LRMDA: variants seen among roughly 807,000 people sequenced by gnomAD.
LRMDA encodes the protein leucine-rich melanocyte differentiation-associated protein.
Under a neutral mutation model 29.8 loss-of-function variants are expected in LRMDA, and 18 were observed. The observed-to-expected ratio is 0.60, with a 90% CI of 0.42 to 0.90. The LOEUF is 0.90. LRMDA is among the 40% of genes least tolerant of loss of function. The pLI, the probability that LRMDA is intolerant of heterozygous loss-of-function variation, is 0.00. For synonymous variants in LRMDA, 125 were observed against 109.4 expected, an observed-to-expected ratio of 1.14 and a Z score of -0.89; for missense variants, 273 against 273.9, an observed-to-expected ratio of 1.00 and a Z score of 0.02.
At chr10:75,624,272 T>C (rs1435395429) in intron 2 of LRMDA, among the ~76,000 whole-genome samples, 4 of 152,182 alleles carry the variant, frequency 2.6e-5, no homozygotes, top group Non-Finnish European at 5.9e-5. Flanking sequence ...TTGGAGATCA[T>C]ATTTGAGGAT....
chr10:75,949,489 G>C (rs1846536022), intron 2 of LRMDA, among the ~76,000 whole-genome samples: 1 of 152,204 alleles, frequency 6.6e-6, no homozygotes, highest in African/African-American at 2.4e-5. Flanking sequence ...CTGGGATGAT[G>C]ATGGGCTCAC....
chr10:76,545,824 A>G (rs1317617351), intron 6 of LRMDA, among the ~76,000 whole-genome samples: 1 of 152,098 alleles, frequency 6.6e-6, no homozygotes, highest in Non-Finnish European at 1.5e-5. Context: ...AGTAAAAAGC[A>G]ATGTCACGAG....
At chr10:75,557,941 T>C (rs1045147880) in intron 2 of LRMDA, among the ~76,000 whole-genome samples, 11 of 152,128 alleles carry the variant, frequency 7.2e-5, no homozygotes, top group African/African-American at 2.4e-4. Flanking sequence ...TGAGTGACTT[T>C]ACTAAGTTGT....
intron 5 of LRMDA, among the ~76,000 whole-genome samples, chr10:76,195,784 C>T (rs775148567): frequency 5.3e-5 from 8 of 152,158 alleles, no homozygotes; most frequent in Non-Finnish European, 5.9e-5. Context: ...AAAAAGCAAA[C>T]ACAGTAAATT....
chr10:75,808,027 T>G (rs1843889101), intron 2 of LRMDA, among the ~76,000 whole-genome samples: 1 of 152,250 alleles, frequency 6.6e-6, no homozygotes, highest in African/African-American at 2.4e-5. Context: ...ATTCATTTGC[T>G]AAAGGGCATT....
chr10:75,487,598 C>T (rs1844930616), intron 2 of LRMDA, among the ~76,000 whole-genome samples: 1 of 152,168 alleles, frequency 6.6e-6, no homozygotes, highest in Non-Finnish European at 1.5e-5. Context: ...CCCACCCCTC[C>T]TTCCTATTCT....
chr10:75,704,086 ACT>A (rs1842338758), intron 2 of LRMDA, among the ~76,000 whole-genome samples: 1 of 152,214 alleles, frequency 6.6e-6, no homozygotes, highest in South Asian at 2.1e-4. Flanking sequence ...GGTACAGCAG[ACT>A]CTGCAGAGTT....
At chr10:76,277,978 A>C (rs568355105) in intron 5 of LRMDA, among the ~76,000 whole-genome samples, 1 of 152,190 alleles carries the variant, frequency 6.6e-6, no homozygotes, top group African/African-American at 2.4e-5. Context: ...GGGTGTACCC[A>C]GTTGTTAGTT....
intron 2 of LRMDA, among the ~76,000 whole-genome samples, chr10:75,779,816 A>G (rs1429553372): frequency 6.6e-6 from 1 of 151,760 alleles, no homozygotes; most frequent in Non-Finnish European, 1.5e-5. Context: ...AGTGAATTGA[A>G]TAGTGACCCC....
intron 5 of LRMDA, among the ~76,000 whole-genome samples, chr10:76,145,295 A>C (rs1005038482): frequency 2.6e-5 from 4 of 152,200 alleles, no homozygotes; most frequent in Non-Finnish European, 5.9e-5. Flanking sequence ...CTCTGGTAGA[A>C]TTTGGCTGTG....
chr10:76,280,992 A>G (rs1231316856), intron 5 of LRMDA, among the ~76,000 whole-genome samples: 1 of 152,188 alleles, frequency 6.6e-6, no homozygotes, highest in Admixed American at 6.5e-5. Flanking sequence ...AAGCTTTAGC[A>G]GTTATTTAGT....
chr10:75,769,880 A>G (rs368559863), intron 2 of LRMDA, among the ~76,000 whole-genome samples: 24 of 152,228 alleles, frequency 1.6e-4, no homozygotes, highest in African/African-American at 5.5e-4. Context: ...CTACTTGGGA[A>G]GCTGAGGCAC....
chr10:76,488,272 T>C (rs555234605), intron 6 of LRMDA, among the ~76,000 whole-genome samples: 2 of 151,868 alleles, frequency 1.3e-5, no homozygotes, highest in Admixed American at 6.6e-5. Flanking sequence ...TTTGGACTTA[T>C]ATATATGAGA....
intron 2 of LRMDA, among the ~76,000 whole-genome samples, chr10:75,563,737 T>G (rs900359766): frequency 6.6e-6 from 1 of 152,140 alleles, no homozygotes; most frequent in African/African-American, 2.4e-5. Flanking sequence ...TTTGTTAGTT[T>G]TCCTTCTAAC....
Position 76,425,580 on chromosome 10 carries a change from T to TTTTA in LRMDA, c.601+101111_601+101114dup, listed in dbSNP as rs532282074. Among the ~76,000 whole-genome samples the TTTTA allele has an allele frequency of 3.9e-4, 59 of 151,340 alleles. No homozygotes were observed. In the East Asian group the frequency reaches 7.0e-3, roughly 18 times the overall value. Reference sequence around the variant, plus strand: ...TATAACTTACTAATAATAATTATTATTTTATTTATTTATTTATTTTTCATA... The same window carrying TTTTA: ...TATAACTTACTAATAATAATTATTATTTTATTTATTTATTTATTTATTTTTCATA... On this transcript the variant is annotated intron_variant, in intron 6 of 6. Coordinates refer to ENST00000611255, the MANE Select transcript of LRMDA (RefSeq NM_001305581.2).
At chr10:76,336,937 C>T (rs1840976429) in intron 6 of LRMDA, among the ~76,000 whole-genome samples, 1 of 152,052 alleles carries the variant, frequency 6.6e-6, no homozygotes, top group African/African-American at 2.4e-5. Flanking sequence ...TGTCTAATTT[C>T]TCCCCACCCC....
intron 6 of LRMDA, among the ~76,000 whole-genome samples, chr10:76,447,747 A>T (rs890197018): frequency 6.6e-6 from 1 of 152,112 alleles, no homozygotes; most frequent in Admixed American, 6.5e-5. Context: ...AGACCCTACG[A>T]GTTTTATGCT....
chr10:75,731,997 C>T (rs1842705053), intron 2 of LRMDA, among the ~76,000 whole-genome samples: 1 of 152,118 alleles, frequency 6.6e-6, no homozygotes, highest in South Asian at 2.1e-4. Flanking sequence ...TTTCTACCTT[C>T]TTTTTATAGT....
intron 2 of LRMDA, among the ~76,000 whole-genome samples, chr10:75,539,933 T>C (rs560694512): frequency 6.6e-6 from 1 of 152,294 alleles, no homozygotes; most frequent in South Asian, 2.1e-4. Flanking sequence ...TTCAGAGATA[T>C]TAGCTTATCA....
Sources: gnomAD v4.1 joint callset for allele counts (sites outside exome capture counted in the v4.1 genomes callset) on GRCh38, gnomAD v4.1.1 for gene constraint, MANE v1.5 for transcripts, NCBI Gene and HGNC (gene_info 2026-07-23, HGNC 2026-07-21) for gene names.